Variants in TBC1D1 observed in about 807,000 individuals in gnomAD.
TBC1D1 encodes the protein TBC1 domain family member 1.
A neutral mutation model predicts 125.6 loss-of-function variants in TBC1D1; 89 were observed. The ratio of observed to expected loss-of-function variants is 0.71; its 90% CI spans 0.60 to 0.85. The LOEUF (loss-of-function observed/expected upper bound fraction) is 0.85. Ranked by LOEUF, TBC1D1 falls within the 40% of genes least tolerant of loss-of-function variation. TBC1D1 has a pLI of 0.00. For synonymous variants in TBC1D1, 565 were observed against 564.1 expected (o/e 1.00, Z -0.02); for missense variants, 1,377 against 1,469.2 (o/e 0.94, Z 1.03).
intron 2 of TBC1D1, among the ~76,000 whole-genome samples, chr4:37,941,625 A>G (rs1160777479): frequency 6.6e-6 from 1 of 152,214 alleles, no homozygotes; most frequent in East Asian, 1.9e-4. Context: ...TAGGGTGTCA[A>G]TTTTAGATCT....
At chr4:37,964,745 C>T (rs1386832562) in intron 2 of TBC1D1, among the ~76,000 whole-genome samples, 1 of 152,254 alleles carries the variant, frequency 6.6e-6, no homozygotes, top group African/African-American at 2.4e-5. Flanking sequence ...AATTTGCTTC[C>T]TTTCTCTCTT....
At chr4:37,899,990 AG>A (rs918661062) in intron 1 of TBC1D1, among the ~76,000 whole-genome samples, 88 of 152,138 alleles carry the variant, frequency 5.8e-4, no homozygotes, top group African/African-American at 2.1e-3. Flanking sequence ...GCGCGGTGGC[AG>A]GCGCCTGTAG....
intron 2 of TBC1D1, among the ~76,000 whole-genome samples, chr4:37,972,889 C>T (rs1357826059): frequency 3.1e-5 from 4 of 127,658 alleles, no homozygotes; most frequent in Admixed American, 9.1e-5. Context: ...GCAACAAGAG[C>T]GAAACTCCAT....
Position 38,089,821 on chromosome 4 carries a change from G to A in TBC1D1, c.2051-111G>A. 6 of 1,138,560 alleles carry A rather than the reference G, an allele frequency of 5.3e-6. No homozygotes were observed. In the East Asian group the frequency reaches 1.5e-4, roughly 29 times the overall value. The allele number at this position is 1,138,560 out of a possible 1,614,324, so 70.5% of individuals were successfully genotyped here. A position where few individuals can be genotyped will look rare whatever the true frequency, so the allele number is the denominator to read the frequency against. On this transcript the variant is annotated intron_variant, in intron 12 of 19. Coordinates refer to ENST00000261439, the MANE Select transcript of TBC1D1 (RefSeq NM_015173.4). Reference sequence around the variant, plus strand: ...TTAACACAGGAATTTTAAATTTGGTGATATTATTATATTTTATCTGAATGA... The same window carrying A: ...TTAACACAGGAATTTTAAATTTGGTAATATTATTATATTTTATCTGAATGA...
At chr4:37,972,003 G>A (rs1732122100) in intron 2 of TBC1D1, among the ~76,000 whole-genome samples, 1 of 152,096 alleles carries the variant, frequency 6.6e-6, no homozygotes, top group African/African-American at 2.4e-5. Context: ...TTTGACCTTT[G>A]CTCCAAAACA....
intron 2 of TBC1D1, among the ~76,000 whole-genome samples, chr4:37,989,841 A>G (rs1481148590): frequency 6.6e-6 from 1 of 152,152 alleles, no homozygotes; most frequent in Non-Finnish European, 1.5e-5. Flanking sequence ...GGACTCCTTG[A>G]CAGTTTCTGG....
At chr4:37,913,818 G>T (rs1719148783) in intron 2 of TBC1D1, among the ~76,000 whole-genome samples, 2 of 150,608 alleles carry the variant, frequency 1.3e-5, no homozygotes, top group South Asian at 2.1e-4. Flanking sequence ...TACCAGCTGG[G>T]CTTCTGACCT....
At chr4:38,109,076 G>C (rs981333487) in intron 15 of TBC1D1, among the ~76,000 whole-genome samples, 2 of 152,188 alleles carry the variant, frequency 1.3e-5, no homozygotes, top group African/African-American at 4.8e-5. Context: ...CCATCTTTGA[G>C]TTGAAGTCCT....
At chr4:37,997,795 A>G (rs958965770) in intron 2 of TBC1D1, among the ~76,000 whole-genome samples, 2 of 151,678 alleles carry the variant, frequency 1.3e-5, no homozygotes, top group African/African-American at 4.8e-5. Flanking sequence ...TTTTTTTAAA[A>G]GAGAATTTTT....
In TBC1D1 at chr4:37,998,591, G is replaced by A. The variant is rs139531962; in HGVS notation, c.418-15918G>A. Among the ~76,000 whole-genome samples, 7 of 152,232 alleles carry A rather than the reference G, an allele frequency of 4.6e-5. No homozygotes were observed. In the East Asian group the frequency reaches 1.4e-3, roughly 29 times the overall value. ...CCCTCCTGACCTCCCCTCTTTGCAC[G>A]TGGTCAGTCTCCTTGCCTCTGTTGC... On this transcript the variant is annotated intron_variant, in intron 2 of 19. Coordinates refer to ENST00000261439, the MANE Select transcript of TBC1D1 (RefSeq NM_015173.4).
chr4:38,065,036 T>G (rs961462477), intron 12 of TBC1D1, among the ~76,000 whole-genome samples: 1 of 152,172 alleles, frequency 6.6e-6, no homozygotes, highest in Non-Finnish European at 1.5e-5. Flanking sequence ...GTTCAAGTGA[T>G]TCTCCTGCCT....
At chr4:38,093,889 G>A (rs375308636) in intron 13 of TBC1D1, among the ~76,000 whole-genome samples, 2 of 152,138 alleles carry the variant, frequency 1.3e-5, no homozygotes, top group Admixed American at 1.3e-4. Flanking sequence ...ATCACAACAT[G>A]TGATTCAATA....
chr4:37,900,465 G>GC (rs1328752994), intron 1 of TBC1D1, among the ~76,000 whole-genome samples: 2 of 150,886 alleles, frequency 1.3e-5, no homozygotes, highest in African/African-American at 4.9e-5. Context: ...TACTTATTGA[G>GC]CCCCTCAGTT....
intron 2 of TBC1D1, among the ~76,000 whole-genome samples, chr4:37,994,454 A>G (rs1439565320): frequency 6.6e-6 from 1 of 152,092 alleles, no homozygotes; most frequent in Non-Finnish European, 1.5e-5. Flanking sequence ...TGTGTTGCCC[A>G]GGCTGGTCTT....
chr4:38,083,764 G>A (rs974608805), intron 12 of TBC1D1, among the ~76,000 whole-genome samples: 2 of 152,080 alleles, frequency 1.3e-5, no homozygotes, highest in South Asian at 2.1e-4. Flanking sequence ...CCTTATAAAC[G>A]GCTGAAATTC....
At chr4:38,133,387 G>A (rs924156186) in intron 19 of TBC1D1, 130 bp downstream of exon 21, 2 of 735,594 alleles carry the variant, frequency 2.7e-6, no homozygotes, top group Non-Finnish European at 2.2e-6. Flanking sequence ...GTTTATAGTT[G>A]GGATCAAAGG....
At chr4:38,058,556 C>A (rs1474807945) in intron 12 of TBC1D1, among the ~76,000 whole-genome samples, 1 of 152,220 alleles carries the variant, frequency 6.6e-6, no homozygotes, top group Non-Finnish European at 1.5e-5. Context: ...AGAAATAGAT[C>A]TTAACAGTAC....
At chr4:38,091,210 T>C (rs1380117743) in intron 13 of TBC1D1, among the ~76,000 whole-genome samples, 1 of 152,222 alleles carries the variant, frequency 6.6e-6, no homozygotes, top group Non-Finnish European at 1.5e-5. Flanking sequence ...AAATGAGATA[T>C]AAAGGAATAA....
chr4:37,917,997 T>G (rs576464016), intron 2 of TBC1D1, among the ~76,000 whole-genome samples: 1 of 152,326 alleles, frequency 6.6e-6, no homozygotes, highest in African/African-American at 2.4e-5. Flanking sequence ...GAGCCCATAG[T>G]TGCCCTGTGC....
Sources: allele counts gnomAD v4.1 joint callset (sites outside exome capture counted in the v4.1 genomes callset), GRCh38; gene constraint gnomAD v4.1.1; transcripts MANE v1.5; gene names NCBI Gene and HGNC (gene_info 2026-07-23, HGNC 2026-07-21).